The following AGAP1 variants were observed in gnomAD, a reference collection of about 807,000 sequenced individuals.
AGAP1 encodes ArfGAP with GTPase domain, ankyrin repeat and PH domain 1, also known as arf-GAP with GTPase, ANK repeat and PH domain-containing protein 1.
Under a neutral mutation model 105.3 loss-of-function variants are expected in AGAP1, and 29 were observed. The ratio of observed to expected loss-of-function variants is 0.28; its 90% CI spans 0.21 to 0.38. The LOEUF is 0.38. Ranked by LOEUF, AGAP1 falls within the 10% of genes least tolerant of loss-of-function variation. The pLI is 1.00. For synonymous variants in AGAP1, 509 were observed against 485.9 expected (o/e 1.05, Z -0.63); for missense variants, 998 against 1,165.1 (o/e 0.86, Z 2.09).
chr2:235,539,032 G>T (rs1255698765), intron 1 of AGAP1, among the ~76,000 whole-genome samples: 1 of 152,164 alleles, frequency 6.6e-6, no homozygotes, highest in African/African-American at 2.4e-5. Flanking sequence ...TCACAGCCAG[G>T]TGGCAGCTAC....
rs188135821 is a variant in AGAP1 at position 236,061,947 on chromosome 2, G to C, written c.2114+12666G>C. ...CCAGGGCGTTCCACAAAGAGCAGCTGGAGCAAAGGTGCAGGCGTACAGGAA... is the reference window on the plus strand; with the variant it reads ...CCAGGGCGTTCCACAAAGAGCAGCTCGAGCAAAGGTGCAGGCGTACAGGAA... On this transcript the variant is annotated intron_variant, in intron 16 of 17. Coordinates refer to ENST00000304032, the MANE Select transcript of AGAP1 (RefSeq NM_001037131.3). This position sits in a 1 kb window ranked among gnomAD's most constrained non-coding sequence, Gnocchi z 4.1. 2.0e-5 allele frequency among the ~76,000 whole-genome samples: 3 copies of C among 152,268 alleles called. No homozygotes were observed. In the East Asian group the frequency reaches 5.8e-4, roughly 29 times the overall value.
At chr2:235,996,313 G>A (rs1369755681) in intron 13 of AGAP1, among the ~76,000 whole-genome samples, 1 of 152,130 alleles carries the variant, frequency 6.6e-6, no homozygotes, top group Non-Finnish European at 1.5e-5. Context: ...CAGAAATTAG[G>A]CCAAACTCGC....
chr2:235,810,836 T>A (rs896200185), intron 9 of AGAP1, among the ~76,000 whole-genome samples: 13 of 146,402 alleles, frequency 8.9e-5, no homozygotes, highest in South Asian at 8.5e-4. Flanking sequence ...TCGGTTTCTT[T>A]TTTTTTTTTT....
rs537675901 is a variant in AGAP1 at position 235,744,106 on chromosome 2, A to C, written c.397-592A>C. Among the ~76,000 whole-genome samples the C allele has an allele frequency of 1.3e-5, 2 of 152,344 alleles. No homozygotes were observed. Among genetic ancestry groups the C allele is most frequent in the East Asian group, 1.9e-4 (1 of 5,186 alleles). On this transcript the variant is annotated intron_variant, in intron 4 of 17. Transcript: ENST00000304032. The surrounding 1 kb of genome is among the most constrained non-coding windows in gnomAD (Gnocchi z 5.2). Reference sequence around the variant, plus strand: ...GAAGTTTTCTTCCCTAAGTTTTGTTAATTTCCCTGAAAATAAGTAGTCATT... The same window carrying C: ...GAAGTTTTCTTCCCTAAGTTTTGTTCATTTCCCTGAAAATAAGTAGTCATT...
chr2:235,800,265 ATTT>A (rs547612945), intron 8 of AGAP1, among the ~76,000 whole-genome samples: 1 of 142,042 alleles, frequency 7.0e-6, no homozygotes, highest in Non-Finnish European at 1.5e-5. Flanking sequence ...CGTGTGGCTA[ATTT>A]TTTTTTTTTT....
intron 1 of AGAP1, among the ~76,000 whole-genome samples, chr2:235,678,996 A>C (rs1421612201): frequency 6.6e-6 from 1 of 152,200 alleles, no homozygotes; most frequent in Non-Finnish European, 1.5e-5. Flanking sequence ...CTCCCTGTGC[A>C]CAGCCAGCCT....
rs557170549 is a variant in AGAP1 at position 235,518,590 on chromosome 2, G to A, written c.163+23741G>A. Among the ~76,000 whole-genome samples the A allele has an allele frequency of 2.0e-3, 303 of 152,284 alleles. 3 individuals carry two copies. Among genetic ancestry groups the A allele is most frequent in the Admixed American group, 9.7e-3 (148 of 15,290 alleles). ...CCACCGTCAGCCTTGGGAGGGGCACGGAGCTTTGCAAATGTCTCTTCAGCT... is the reference window on the plus strand; with the variant it reads ...CCACCGTCAGCCTTGGGAGGGGCACAGAGCTTTGCAAATGTCTCTTCAGCT... On this transcript the variant is annotated intron_variant, in intron 1 of 17. Transcript: ENST00000304032.
rs1559231768 is a variant in AGAP1 at position 235,536,670 on chromosome 2, CACACA to C, written c.163+41822_163+41826del. ...ACACACACACACACACACACACACA[CACACA>C]CACCCCTTGCTTATGTCCTCCACCC... On this transcript the variant is annotated intron_variant, in intron 1 of 17. Coordinates refer to ENST00000304032, the MANE Select transcript of AGAP1 (RefSeq NM_001037131.3). Among the ~76,000 whole-genome samples the C allele has an allele frequency of 3.2e-3, 463 of 146,240 alleles. 4 individuals carry two copies. The highest frequency in any genetic ancestry group is 9.7e-3 in the African/African-American group (392 of 40,278).
At chr2:235,604,552 TTC>T (rs1159174371) in intron 1 of AGAP1, among the ~76,000 whole-genome samples, 1 of 150,292 alleles carries the variant, frequency 6.7e-6, no homozygotes, top group Non-Finnish European at 1.5e-5. Flanking sequence ...ACATTCGTGT[TTC>T]TTTTTTATTT....
intron 9 of AGAP1, among the ~76,000 whole-genome samples, chr2:235,878,912 G>C (rs1433901508): frequency 2.0e-5 from 3 of 152,198 alleles, no homozygotes; most frequent in Non-Finnish European, 4.4e-5. Flanking sequence ...ATCCTGAGCA[G>C]CCGCCCCTTG....
intron 13 of AGAP1, among the ~76,000 whole-genome samples, chr2:236,013,959 G>C (rs117265601): frequency 6.6e-6 from 1 of 152,206 alleles, no homozygotes; most frequent in Non-Finnish European, 1.5e-5. Context: ...AGTTGGGAGG[G>C]TAAGGGCCTG....
At chr2:235,816,163 C>T (rs780482201) in intron 9 of AGAP1, among the ~76,000 whole-genome samples, 4 of 152,192 alleles carry the variant, frequency 2.6e-5, no homozygotes, top group Non-Finnish European at 4.4e-5. Flanking sequence ...TACAGCTGGG[C>T]ATAGTGGCTC....
At chr2:235,849,349 T>C (rs1335415989) in intron 9 of AGAP1, among the ~76,000 whole-genome samples, 1 of 152,240 alleles carries the variant, frequency 6.6e-6, no homozygotes, top group African/African-American at 2.4e-5. Flanking sequence ...CACATATTAC[T>C]ATAATTAACT....
intron 12 of AGAP1, among the ~76,000 whole-genome samples, chr2:235,942,934 A>AT (rs113789117): frequency 6.4e-4 from 98 of 152,014 alleles, no homozygotes; most frequent in African/African-American, 2.2e-3. Flanking sequence ...TAAAAAAAAA[A>AT]TTCATTTAAT....
intron 1 of AGAP1, among the ~76,000 whole-genome samples, chr2:235,591,785 C>G (rs577183862): frequency 1.0e-3 from 153 of 152,170 alleles, no homozygotes; most frequent in Non-Finnish European, 1.6e-3. Flanking sequence ...TTTTAATTTT[C>G]CTTTACACAA....
intron 1 of AGAP1, among the ~76,000 whole-genome samples, chr2:235,636,718 T>C (rs1403440284): frequency 6.6e-6 from 1 of 152,168 alleles, no homozygotes; most frequent in Non-Finnish European, 1.5e-5. Context: ...GTTGAAGTCC[T>C]AACGCCCGGT....
At chr2:235,841,294 G>A (rs913454652) in intron 9 of AGAP1, among the ~76,000 whole-genome samples, 1 of 152,122 alleles carries the variant, frequency 6.6e-6, no homozygotes, top group Non-Finnish European at 1.5e-5. Context: ...AACAGTCGCC[G>A]CTCACTAGGA....
At chr2:235,730,954 C>T (rs962059691) in intron 3 of AGAP1, among the ~76,000 whole-genome samples, 1 of 152,158 alleles carries the variant, frequency 6.6e-6, no homozygotes, top group African/African-American at 2.4e-5. Flanking sequence ...GCTGAGCCTG[C>T]CTGCAGCTTA....
rs1235203190 is a variant in AGAP1, at chr2:235,704,962, CTTTTTTCTTTTTTTTTTTTT to C, written c.164-4210_164-4191del. ...AACGTCGATTGTAAAATACAAGATGCTTTTTTCTTTTTTTTTTTTTTTTTTTTTTTTTTTGCGACAGAGTC... is the reference window on the plus strand; with the variant it reads ...AACGTCGATTGTAAAATACAAGATGCTTTTTTTTTTTTTTGCGACAGAGTC... On this transcript the variant is annotated intron_variant, in intron 1 of 17. Transcript: ENST00000304032. 8.4e-3 allele frequency among the ~76,000 whole-genome samples: 725 copies of C among 86,050 alleles called. 11 individuals carry two copies. Among genetic ancestry groups the C allele is most frequent in the Middle Eastern group, 0.029 (4 of 138 alleles). The allele number at this position is 86,050 out of a possible 152,430, so 56.5% of individuals were successfully genotyped here.
Sources: allele counts gnomAD v4.1 joint callset (sites outside exome capture counted in the v4.1 genomes callset), GRCh38; gene constraint gnomAD v4.1.1; non-coding constraint Gnocchi (gnomAD v3.1); transcripts MANE v1.5; gene names NCBI Gene and HGNC (gene_info 2026-07-23, HGNC 2026-07-21).